The following PHF12 variants were observed in gnomAD, a reference collection of about 807,000 sequenced individuals.
PHF12 encodes the protein PHD factor 1.
In PHF12, 6 loss-of-function variants were observed where a neutral mutation model predicts 99.8. The observed-to-expected ratio is 0.06, with a 90% CI of 0.03 to 0.12. The LOEUF (loss-of-function observed/expected upper bound fraction) is 0.12. Among genes scored for constraint, PHF12 ranks in the 10% least tolerant of loss-of-function variants. PHF12 has a pLI of 1.00. For missense variants in PHF12, 954 were observed against 1,300.1 expected (o/e 0.73, Z 4.09); for synonymous variants, 480 against 514.9 (o/e 0.93, Z 0.92).
At chr17:28,912,323 A>G (rs1183423951) in intron 9 of PHF12, 159 bp downstream of exon 9, 3 of 1,407,622 alleles carry the variant, frequency 2.1e-6, no homozygotes, top group Middle Eastern at 4.0e-4. Context: ...ACAAGTTAAC[A>G]TGTGCTTCCT....
Position 28,917,495 on chromosome 17 carries a change from C to T in PHF12, c.970-46G>A, listed in dbSNP as rs1303242266. The T allele has an allele frequency of 5.8e-6, 9 of 1,548,260 alleles. No homozygotes were observed. The African/African-American group carries it at 9.6e-5, about 17-fold the overall frequency. On this transcript the variant is annotated intron_variant, in intron 6 of 14. Transcript: ENST00000332830. ...ACCTTGTGGTGAGCCTCAAAAGGCA[C>T]CTCCTATCCCAGTTAACCCCATTCC...
chr17:28,923,651 C>CAAAAAAAAAAA (rs1491183033), intron 4 of PHF12, among the ~76,000 whole-genome samples: 14 of 21,970 alleles, frequency 6.4e-4, no homozygotes, highest in South Asian at 2.0e-3. Context: ...AAGTGAGACT[C>CAAAAAAAAAAA]ACAAAAAAAA....
chr17:28,921,455 C>G (rs890870832), intron 5 of PHF12, among the ~76,000 whole-genome samples: 3 of 152,196 alleles, frequency 2.0e-5, no homozygotes, highest in Non-Finnish European at 4.4e-5. Context: ...GCATAAGCCA[C>G]CGTGCTCGGC....
At chr17:28,918,722 T>A (rs1392139341) in intron 6 of PHF12, among the ~76,000 whole-genome samples, 1 of 152,226 alleles carries the variant, frequency 6.6e-6, no homozygotes, top group Non-Finnish European at 1.5e-5. Context: ...CCAAGACTCT[T>A]GGAAGAGAAA....
At chr17:28,947,613 A>C (rs180975249) in intron 2 of PHF12, among the ~76,000 whole-genome samples, 57 of 152,274 alleles carry the variant, frequency 3.7e-4, no homozygotes, top group African/African-American at 1.3e-3. Context: ...ACAACAACAA[A>C]AAAAACTTCA....
chr17:28,922,585 T>C (rs2040186000), intron 4 of PHF12, among the ~76,000 whole-genome samples: 1 of 152,168 alleles, frequency 6.6e-6, no homozygotes, highest in South Asian at 2.1e-4. Flanking sequence ...ACCCAGCAAT[T>C]TTATTGTCCT....
chr17:28,905,855 C>T lies in PHF12; in HGVS notation c.*328G>A, dbSNP rs1332400985. 2 of 244,554 alleles carry T rather than the reference C, an allele frequency of 8.2e-6. No homozygotes were observed. Among genetic ancestry groups the T allele is most frequent in the African/African-American group, 2.2e-5 (1 of 44,748 alleles). The allele number at this position is 244,554 out of a possible 1,614,324, so 15.1% of individuals were successfully genotyped here. On this transcript the variant is annotated 3_prime_UTR_variant, in exon 15 of 15. Transcript: ENST00000332830. ...ACAATGGTGGGCGAGGGGGAGGGAG[C>T]AGGAGGTGGGTGGGGAAGGGTTTTG...
chr17:28,938,555 G>C (rs925727847), intron 2 of PHF12, among the ~76,000 whole-genome samples: 1 of 152,144 alleles, frequency 6.6e-6, no homozygotes, highest in African/African-American at 2.4e-5. Flanking sequence ...TTAAGACCCA[G>C]CTGCTTTTTC....
Position 28,913,370 on chromosome 17 carries a change from C to T in PHF12, c.1294-93G>A, listed in dbSNP as rs946323525. On this transcript the variant is annotated intron_variant, in intron 8 of 14. Coordinates refer to ENST00000332830, the MANE Select transcript of PHF12 (RefSeq NM_001033561.2). ...CCAGGGCTGCAGCAGAGCTGACAAG[C>T]AGTTTCCGAGGTCCCATCATGAATG... 2.0e-6 allele frequency: 3 copies of T among 1,505,356 alleles called. No individual in the cohort carries two copies. The African/African-American group carries it at 4.2e-5, about 21-fold the overall frequency. 93.2% of individuals were successfully genotyped at this position (1,505,356 alleles called of 1,614,324 possible). A position where few individuals can be genotyped will look rare whatever the true frequency, so the allele number is the denominator to read the frequency against.
rs1217984599 is a variant in PHF12 at position 28,906,030 on chromosome 17, AAC to A, written c.*151_*152del. The A allele has an allele frequency of 1.0e-5, 8 of 766,684 alleles. No individual in the cohort carries two copies. The Admixed American group carries it at 1.7e-4, about 16-fold the overall frequency. The allele number at this position is 766,684 out of a possible 1,614,324, so 47.5% of individuals were successfully genotyped here. A position where few individuals can be genotyped will look rare whatever the true frequency, so the allele number is the denominator to read the frequency against. On this transcript the variant is annotated 3_prime_UTR_variant, in exon 15 of 15. Transcript: ENST00000332830. This position sits in a 1 kb window ranked among gnomAD's most constrained non-coding sequence, Gnocchi z 4.2. The stretch of plus-strand genomic sequence containing the variant: ...GAGAAAAGAAAAAGGATTTTTAAAA[AAC>A]AGTCAAAAGGTTTTCTTCATTTCAT...
chr17:28,912,296 T>C, intron 9 of PHF12, 186 bp downstream of exon 9: 2 of 1,387,996 alleles, frequency 1.4e-6, no homozygotes, highest in East Asian at 2.7e-5. Flanking sequence ...GCCTAAGCAG[T>C]CCCATTTATA....
rs1274962476 is a variant in PHF12, at chr17:28,906,668, G to A, written c.2681-151C>T. ...TCAGAAAGGGTTGGTGGAGTCTGAA[G>A]TCCCCACAGGTGTGTACACACATGG... On this transcript the variant is annotated intron_variant, in intron 14 of 14. Transcript: ENST00000332830. The surrounding 1 kb of genome is among the most constrained non-coding windows in gnomAD (Gnocchi z 4.2). 5 of 1,199,802 alleles carry A rather than the reference G, an allele frequency of 4.2e-6. No homozygotes were observed. In the Admixed American group the frequency reaches 1.1e-4, roughly 26 times the overall value. The allele number at this position is 1,199,802 out of a possible 1,614,324, so 74.3% of individuals were successfully genotyped here.
intron 9 of PHF12, chr17:28,911,456 TGAGA>T (rs2039959680): frequency 1.8e-6 from 1 of 552,250 alleles, no homozygotes; most frequent in Admixed American, 3.3e-5. Flanking sequence ...TCCAGAGCAC[TGAGA>T]ACCACTGAAA....
rs979357528 is a variant in PHF12, at chr17:28,950,403, A to AG, written c.67-158dup. 23 of 794,182 alleles carry AG rather than the reference A, an allele frequency of 2.9e-5. No homozygotes were observed. The Admixed American group carries it at 4.4e-4, about 15-fold the overall frequency. The allele number at this position is 794,182 out of a possible 1,614,324, so 49.2% of individuals were successfully genotyped here. A position where few individuals can be genotyped will look rare whatever the true frequency, so the allele number is the denominator to read the frequency against. On this transcript the variant is annotated intron_variant, in intron 1 of 14. Transcript: ENST00000332830. The surrounding 1 kb of genome is among the most constrained non-coding windows in gnomAD (Gnocchi z 5.7). ...CCAGAATCTCTCAGCCCCCGGAACC[A>AG]GGGGGAGCCCACCCTAACCGCGTTC...
intron 2 of PHF12, among the ~76,000 whole-genome samples, chr17:28,943,148 A>G (rs535914019): frequency 6.6e-6 from 1 of 152,372 alleles, no homozygotes; most frequent in Non-Finnish European, 1.5e-5. Flanking sequence ...TTAATCAAGA[A>G]GGCAGAAAAT....
At chr17:28,909,829 G>A (rs2039928190) in intron 11 of PHF12, 2 of 546,316 alleles carry the variant, frequency 3.7e-6, no homozygotes, top group East Asian at 3.1e-5. Context: ...GGGCTCAAGT[G>A]ATCCTCCCGC....
At chr17:28,910,187 G>T in intron 11 of PHF12, 39 bp downstream of exon 11, 1 of 1,613,998 alleles carries the variant, frequency 6.2e-7, no homozygotes, top group East Asian at 2.2e-5. Flanking sequence ...ACGTAGAGGG[G>T]AGATCTGATG....
In PHF12 at chr17:28,950,140, C is replaced by T; in HGVS notation, c.173G>A (p.Ser58Asn). 6.2e-7 allele frequency: 1 copy of T among 1,614,026 alleles called. No homozygotes were observed. Among genetic ancestry groups the T allele is most frequent in the Non-Finnish European group, 8.5e-7 (1 of 1,180,026 alleles). Residue 58 changes from serine (S) to asparagine (N), a missense_variant, in exon 2 of 15, where the codon AGC (serine) becomes AAC (asparagine). Coordinates refer to ENST00000332830, the MANE Select transcript of PHF12 (RefSeq NM_001033561.2). The surrounding 1 kb of genome is among the most constrained non-coding windows in gnomAD (Gnocchi z 5.7). ...RRSGRATNHD[S>N]CDSCKEGGDL... The stretch of plus-strand genomic sequence containing the variant: ...TCCACCTTCCTTGCAGCTATCGCAG[C>T]TGTCGTGGTTGGTGGCCCTGCCGCT...
In PHF12 at chr17:28,907,691, A is replaced by G; in HGVS notation, c.2459-19T>C. On this transcript the variant is annotated intron_variant, in intron 12 of 14. Coordinates refer to ENST00000332830, the MANE Select transcript of PHF12 (RefSeq NM_001033561.2). ...TCAGCTCCTGCAAGGTGGCAGGAGT[A>G]GAGGAAAAGGAAGGCAGAGAACAGA... The G allele has an allele frequency of 6.2e-7, 1 of 1,608,264 alleles. No individual in the cohort carries two copies.
Sources: gnomAD v4.1 joint callset for allele counts (sites outside exome capture counted in the v4.1 genomes callset) on GRCh38, gnomAD v4.1.1 for gene constraint, Gnocchi (gnomAD v3.1) non-coding constraint, MANE v1.5 for transcripts, NCBI Gene and HGNC (gene_info 2026-07-23, HGNC 2026-07-21) for gene names.